Variants in FAT1 observed in about 807,000 individuals in gnomAD.
The protein encoded by FAT1 is protocadherin Fat 1.
A neutral mutation model predicts 329.8 loss-of-function variants in FAT1; 171 were observed. That is an observed-to-expected ratio of 0.52 (90% confidence interval 0.46 to 0.59). FAT1 has a LOEUF of 0.59. FAT1 is among the 20% of genes least tolerant of loss of function. The probability of loss-of-function intolerance (pLI) is 0.00; values close to 1 mark genes in which losing one functional copy is unlikely to be tolerated. For synonymous variants in FAT1, 2,233 were observed against 2,228.6 expected (o/e 1.00, Z -0.06); for missense variants, 5,672 against 5,774.4 (o/e 0.98, Z 0.57).
At chr4:186,639,112 G>T (rs1740976669) in intron 4 of FAT1, among the ~76,000 whole-genome samples, 1 of 152,144 alleles carries the variant, frequency 6.6e-6, no homozygotes, top group Non-Finnish European at 1.5e-5. Context: ...GGACTAAAAG[G>T]CATTGTAAAT....
At chr4:186,718,163 A>G (rs1452817834) in intron 1 of FAT1, among the ~76,000 whole-genome samples, 1 of 152,168 alleles carries the variant, frequency 6.6e-6, no homozygotes, top group Admixed American at 6.5e-5. Flanking sequence ...AAGAAAACGG[A>G]AATCTTCAGG....
chr4:186,607,071 C>T (rs1739178333), intron 16 of FAT1, among the ~76,000 whole-genome samples: 3 of 152,170 alleles, frequency 2.0e-5, no homozygotes, highest in Admixed American at 6.5e-5. Flanking sequence ...AGCATGCTTC[C>T]CAAATCCTTA....
Position 186,588,601 on chromosome 4 carries a change from C to T in FAT1, c.13758G>A (p.Thr4586=), listed in dbSNP as rs373515547. The change falls in exon 27 of 27, where the codon ACG becomes ACA. Residue 4586 remains threonine (T), a synonymous_variant. Coordinates refer to ENST00000441802, the MANE Select transcript of FAT1 (RefSeq NM_005245.4). ...TGGGGGGAGTTGAGAGTCAGACTTC[C>T]GTGTGCTGCTGGGAATCCAGGGGCG... ...TIPPLDSQQH[T]EV 1.7e-5 allele frequency: 27 copies of T among 1,609,742 alleles called. No homozygotes were observed. The highest frequency in any genetic ancestry group is 4.5e-5 in the East Asian group (2 of 44,848).
intron 2 of FAT1, among the ~76,000 whole-genome samples, chr4:186,695,447 G>C (rs1489380576): frequency 6.6e-6 from 1 of 152,204 alleles, no homozygotes; most frequent in African/African-American, 2.4e-5. Context: ...ATTTTGGAAG[G>C]TATGGGAGAC....
chr4:186,595,494 C>T (rs1434342805), intron 26 of FAT1, among the ~76,000 whole-genome samples, 195 bp downstream of exon 26: 1 of 152,138 alleles, frequency 6.6e-6, no homozygotes, highest in Non-Finnish European at 1.5e-5. Context: ...GTTCAAACAC[C>T]TATTCATTAA....
At chr4:186,718,860 G>C (rs1745337464) in intron 1 of FAT1, among the ~76,000 whole-genome samples, 1 of 151,772 alleles carries the variant, frequency 6.6e-6, no homozygotes, top group Non-Finnish European at 1.5e-5. Context: ...GGTCCACCCT[G>C]GCAGAACAGC....
intron 10 of FAT1, 32 bp downstream of exon 10, chr4:186,617,676 T>G: frequency 6.7e-7 from 1 of 1,493,628 alleles, no homozygotes; most frequent in East Asian, 2.3e-5. Flanking sequence ...CATTTTAAAT[T>G]AATTAAACCG....
Position 186,603,752 on chromosome 4 carries a change from C to G in FAT1, c.10774G>C (p.Val3592Leu), listed in dbSNP as rs1285915868. The change falls in exon 19 of 27, where the codon GTT becomes CTT. Residue 3592 changes from valine to leucine, a missense_variant. Val to Leu is a conservative substitution (Grantham distance 32, BLOSUM62 1). Around this residue, in one of 2 missense-constraint regions of FAT1, gnomAD observed 1,706 missense variants for 1,859.1 expected, o/e 0.92. Coordinates refer to ENST00000441802, the MANE Select transcript of FAT1 (RefSeq NM_005245.4). ...ATCAGCTTGCCCCCTGTGCTGGAAA[C>G]AGAGAACAGGTTGTCCATCTGAGGG... ...LDPQMDNLFSVSSTGGKLIAH... is the reference protein window; with the variant it reads ...LDPQMDNLFSLSSTGGKLIAH... The G allele has an allele frequency of 1.2e-6, 2 of 1,613,928 alleles. No homozygotes were observed. Among genetic ancestry groups the G allele is most frequent in the Non-Finnish European group, 8.5e-7 (1 of 1,179,856 alleles).
At chr4:186,670,203 TCAGCAACAACC>T (rs1742668071) in intron 2 of FAT1, among the ~76,000 whole-genome samples, 1 of 152,176 alleles carries the variant, frequency 6.6e-6, no homozygotes, top group South Asian at 2.1e-4. Context: ...ATACCTATCA[TCAGCAACAACC>T]CAGCAACACA....
rs2126458835 is a variant in FAT1, at chr4:186,609,807, G to A, written c.10062C>T (p.Val3354=). The change falls in exon 15 of 27, where the codon GTC becomes GTT. Residue 3354 remains valine (V), a synonymous_variant. Transcript: ENST00000441802. Reference sequence around the variant, plus strand: ...ATGGGGAAAAAATACACACCGTGATGACAGACTGCTCAAGAACGGCATCTT... The same window carrying A: ...ATGGGGAAAAAATACACACCGTGATAACAGACTGCTCAAGAACGGCATCTT... ...ISEDAVLEQS[V]ITVMADDADG... 1 of 1,609,568 alleles carries A rather than the reference G, an allele frequency of 6.2e-7. No homozygotes were observed. The highest frequency in any genetic ancestry group is 8.5e-7 in the Non-Finnish European group (1 of 1,175,868).
chr4:186,633,615 C>T (rs1042808223), intron 7 of FAT1, 69 bp downstream of exon 7: 20 of 1,565,690 alleles, frequency 1.3e-5, no homozygotes, highest in East Asian at 9.0e-5. Context: ...TCATATTGCC[C>T]GTGGACCCCT....
chr4:186,665,938 A>T (rs1742414920), intron 2 of FAT1, among the ~76,000 whole-genome samples: 1 of 151,364 alleles, frequency 6.6e-6, no homozygotes, highest in Non-Finnish European at 1.5e-5. Context: ...TCGCAAGGAC[A>T]AAAAACCAAA....
chr4:186,590,429 A>AT, intron 26 of FAT1: 1 of 1,287,734 alleles, frequency 7.8e-7, no homozygotes. Context: ...TAGAAAAAAA[A>AT]GAAAACATTT....
At chr4:186,701,881 T>C (rs1443250607) in intron 2 of FAT1, among the ~76,000 whole-genome samples, 2 of 152,264 alleles carry the variant, frequency 1.3e-5, no homozygotes, top group African/African-American at 2.4e-5. Flanking sequence ...CAGGTTAGCC[T>C]GGGCCGGAAT....
At chr4:186,610,662 TTATATAATTTATATAAATATAAA>T (rs1422355777) in intron 14 of FAT1, among the ~76,000 whole-genome samples, 4,389 of 42,994 alleles carry the variant, frequency 0.1, 240 homozygotes, top group Middle Eastern at 0.15. Context: ...TAAATATAAA[TTATATAATTTATATAAATATAAA>T]TTATATAATT....
intron 11 of FAT1, among the ~76,000 whole-genome samples, chr4:186,614,650 G>A (rs757799524): frequency 2.0e-5 from 3 of 152,154 alleles, no homozygotes; most frequent in Non-Finnish European, 2.9e-5. Flanking sequence ...ATGAGAAAAC[G>A]TAAGTACTAA....
chr4:186,715,216 C>T (rs1443760308), intron 1 of FAT1, among the ~76,000 whole-genome samples: 1 of 152,070 alleles, frequency 6.6e-6, no homozygotes, highest in African/African-American at 2.4e-5. Context: ...GCTGTTCTCT[C>T]CCCATGCTGT....
At chr4:186,651,902 G>A (rs1741681919) in intron 3 of FAT1, among the ~76,000 whole-genome samples, 2 of 152,228 alleles carry the variant, frequency 1.3e-5, no homozygotes, top group Non-Finnish European at 1.5e-5. Flanking sequence ...CGTCTCAGCA[G>A]CTATTGTTTG....
chr4:186,651,605 C>T (rs1262935693), intron 3 of FAT1, among the ~76,000 whole-genome samples: 10 of 152,164 alleles, frequency 6.6e-5, no homozygotes, highest in Non-Finnish European at 1.5e-4. Flanking sequence ...ACACTGGATC[C>T]CCCCGAAACA....
Sources: allele counts gnomAD v4.1 joint callset (sites outside exome capture counted in the v4.1 genomes callset), GRCh38; gene constraint gnomAD v4.1.1; regional missense constraint gnomAD v4.1.1; transcripts MANE v1.5; gene names NCBI Gene and HGNC (gene_info 2026-07-23, HGNC 2026-07-21).